The following RALGAPB variants were observed in gnomAD, a reference collection of about 807,000 sequenced individuals.
The protein encoded by RALGAPB is ral GTPase-activating protein subunit beta.
RALGAPB carries 25 observed loss-of-function variants against 161.1 expected under a neutral mutation model. The ratio of observed to expected loss-of-function variants is 0.16; its 90% CI spans 0.11 to 0.22. RALGAPB has a LOEUF of 0.22. RALGAPB is among the 10% of genes least tolerant of loss of function. The pLI, the probability that RALGAPB is intolerant of heterozygous loss-of-function variation, is 1.00. For missense variants in RALGAPB, 1,391 were observed against 1,815.2 expected (o/e 0.77, Z 4.25); for synonymous variants, 629 against 626.1 (o/e 1.00, Z -0.07).
At chr20:38,545,551 C>T (rs957137777) in intron 18 of RALGAPB, among the ~76,000 whole-genome samples, 28 of 152,304 alleles carry the variant, frequency 1.8e-4, no homozygotes, top group African/African-American at 6.3e-4. Flanking sequence ...TCTCAACTCT[C>T]AGCTTGAATG....
chr20:38,562,627 T>C lies in RALGAPB; in HGVS notation c.3627T>C (p.Pro1209=), dbSNP rs2087824659. 6.2e-7 allele frequency: 1 copy of C among 1,613,972 alleles called. No homozygotes were observed. The highest frequency in any genetic ancestry group is 8.5e-7 in the Non-Finnish European group (1 of 1,179,954). ...GGTCAGTAGATGTGGGCAGACACCC[T>C]GGTTGGACTGGGCATGTTTCTACCA... ...LGWSVDVGRH[P]GWTGHVSTSW... is the part of the protein sequence containing the mutation. The change falls in exon 24 of 30, where the codon CCT becomes CCC. Residue 1209 remains proline (P), a synonymous_variant. Coordinates refer to ENST00000262879, the MANE Select transcript of RALGAPB (RefSeq NM_020336.4).
At chr20:38,491,528 G>A (rs1327197896) in intron 2 of RALGAPB, among the ~76,000 whole-genome samples, 1 of 152,152 alleles carries the variant, frequency 6.6e-6, no homozygotes, top group East Asian at 1.9e-4. Flanking sequence ...TCCTGGGTCT[G>A]TCTAGATTTC....
At position 38,552,475 on chromosome 20, in the gene RALGAPB, C is replaced by T. The variant is rs540802532; in HGVS notation, c.3162+1252C>T. On this transcript the variant is annotated intron_variant, in intron 21 of 29. Transcript: ENST00000262879. ...AGGCTAGTTTTTAAATATTTTTTTA[C>T]ATTCAAGGATGTGAGGATTATGAAC... Among the ~76,000 whole-genome samples the T allele has an allele frequency of 4.6e-5, 7 of 152,178 alleles. No homozygotes were observed. In the East Asian group the frequency reaches 1.4e-3, roughly 29 times the overall value.
chr20:38,478,429 CT>C (rs202094719), intron 1 of RALGAPB, among the ~76,000 whole-genome samples: 1 of 150,822 alleles, frequency 6.6e-6, no homozygotes. Flanking sequence ...AGTAGTTTTT[CT>C]TTTTTTTTGA....
chr20:38,504,306 A>G (rs1308393454), intron 5 of RALGAPB, among the ~76,000 whole-genome samples: 1 of 132,768 alleles, frequency 7.5e-6, no homozygotes, highest in African/African-American at 4.3e-5. Flanking sequence ...GATTTTTGAC[A>G]GAGTCAATAA....
chr20:38,562,413 T>G (rs1007409928), intron 23 of RALGAPB, 119 bp from the exon 24 acceptor site: 1 of 876,152 alleles, frequency 1.1e-6, no homozygotes, highest in Non-Finnish European at 1.7e-6. Flanking sequence ...TCCTCAAATT[T>G]ATTCTGAGCT....
Position 38,492,934 on chromosome 20 carries a change from A to G in RALGAPB, c.191A>G (p.Lys64Arg). 6.2e-7 allele frequency: 1 copy of G among 1,604,458 alleles called. No individual in the cohort carries two copies. The highest frequency in any genetic ancestry group is 8.5e-7 in the Non-Finnish European group (1 of 1,171,490). ...TGGATATTTTCTTTTGTCTAGGTAA[A>G]ATGGACCATGGAAGTAATTTGCTAT... ...ENLLKTDKEVKWTMEVICYGL... is the reference protein window; with the variant it reads ...ENLLKTDKEVRWTMEVICYGL... The change falls in exon 3 of 30, where the codon AAA (lysine) becomes AGA (arginine). Residue 64 changes from lysine to arginine, a missense_variant. Lys to Arg is a conservative substitution (Grantham distance 26, BLOSUM62 2). Transcript: ENST00000262879.
At chr20:38,504,923 A>C (rs2085712447) in intron 5 of RALGAPB, among the ~76,000 whole-genome samples, 1 of 152,186 alleles carries the variant, frequency 6.6e-6, no homozygotes, top group African/African-American at 2.4e-5. Flanking sequence ...AAGTCAAAAA[A>C]ACAGTAGATG....
chr20:38,539,896 G>T lies in RALGAPB; in HGVS notation c.2500G>T (p.Val834Leu). Residue 834 changes from valine (V) to leucine (L), a missense_variant, in exon 17 of 30, where the codon GTG (valine) becomes TTG (leucine). Val to Leu is a conservative substitution (Grantham distance 32). Coordinates refer to ENST00000262879, the MANE Select transcript of RALGAPB (RefSeq NM_020336.4). The stretch of plus-strand genomic sequence containing the variant: ...CTCCAGGGATCTGCACTCCATGATA[G>T]TGGCAGCTTTTCAGTGTCTCTGTGT... ...LHSRDLHSMI[V>L]AAFQCLCVWL... The T allele has an allele frequency of 6.2e-7, 1 of 1,614,130 alleles. No individual in the cohort carries two copies. Among genetic ancestry groups the T allele is most frequent in the Admixed American group, 1.7e-5 (1 of 60,026 alleles).
intron 28 of RALGAPB, among the ~76,000 whole-genome samples, chr20:38,571,230 A>T (rs1426659500): frequency 1.3e-5 from 2 of 152,098 alleles, no homozygotes; most frequent in African/African-American, 4.8e-5. Flanking sequence ...AATAAGAACC[A>T]CTTAACATAA....
At chr20:38,502,172 T>G (rs1301484516) in intron 5 of RALGAPB, among the ~76,000 whole-genome samples, 2 of 152,230 alleles carry the variant, frequency 1.3e-5, no homozygotes, top group Non-Finnish European at 2.9e-5. Context: ...CCTGTTGCTA[T>G]TGCAATGAGC....
In RALGAPB at chr20:38,499,888, TTGATCATTAAAATATGCA is replaced by T. The variant is rs2085527699; in HGVS notation, c.740+273_740+290del. 1.8e-5 allele frequency: 5 copies of T among 271,034 alleles called. No homozygotes were observed. In the South Asian group the frequency reaches 7.6e-4, roughly 41 times the overall value. 16.8% of individuals were successfully genotyped at this position (271,034 alleles called of 1,614,324 possible). ...CCCACAAAAAAATTCCACTCTTATT[TTGATCATTAAAATATGCA>T]TGATCATTAAAATATGCCTAATCAT... On this transcript the variant is annotated intron_variant, in intron 5 of 29. Coordinates refer to ENST00000262879, the MANE Select transcript of RALGAPB (RefSeq NM_020336.4).
At chr20:38,550,284 T>A (rs1337647274) in intron 20 of RALGAPB, among the ~76,000 whole-genome samples, 1 of 152,166 alleles carries the variant, frequency 6.6e-6, no homozygotes, top group Non-Finnish European at 1.5e-5. Flanking sequence ...CCCTAAAACT[T>A]AAAGTATCAT....
At chr20:38,543,647 G>A (rs148225860) in intron 18 of RALGAPB, among the ~76,000 whole-genome samples, 5 of 152,208 alleles carry the variant, frequency 3.3e-5, no homozygotes, top group Non-Finnish European at 2.9e-5. Context: ...CTGTTTTGCC[G>A]TTGTCAGGCC....
intron 28 of RALGAPB, 75 bp from the exon 29 acceptor site, chr20:38,574,074 TG>T: frequency 7.0e-7 from 1 of 1,435,210 alleles, no homozygotes; most frequent in Admixed American, 2.2e-5. Context: ...AGGCTATATG[TG>T]GGGGACTTCA....
chr20:38,531,195 A>G lies in RALGAPB; in HGVS notation c.2079A>G (p.Ser693=). 6.2e-7 allele frequency: 1 copy of G among 1,611,070 alleles called. No homozygotes were observed. Among genetic ancestry groups the G allele is most frequent in the South Asian group, 1.1e-5 (1 of 90,954 alleles). Residue 693 remains serine (S), a synonymous_variant, in exon 14 of 30, where the codon TCA becomes TCG. Transcript: ENST00000262879. The part of the protein sequence containing the change: ...LGAMLNIVQD[S]ALLEAIGCQM... Reference sequence around the variant, plus strand: ...CAATGTTAAATATTGTTCAAGATTCAGCACTTTTGGAAGCCATTGGTTGCC... The same window carrying G: ...CAATGTTAAATATTGTTCAAGATTCGGCACTTTTGGAAGCCATTGGTTGCC...
chr20:38,495,281 T>G (rs560622369), intron 3 of RALGAPB, among the ~76,000 whole-genome samples: 19 of 152,212 alleles, frequency 1.2e-4, no homozygotes, highest in Non-Finnish European at 2.2e-4. Flanking sequence ...AACATTTCTC[T>G]TTTGCCCATC....
At position 38,554,045 on chromosome 20, in the gene RALGAPB, A is replaced by G; in HGVS notation, c.3341A>G (p.His1114Arg). The G allele has an allele frequency of 1.9e-6, 3 of 1,613,350 alleles. No homozygotes were observed. Among genetic ancestry groups the G allele is most frequent in the Non-Finnish European group, 2.5e-6 (3 of 1,179,430 alleles). ...CAAACAGCCCGCCTTTTTCTCTCAC[A>G]CTTTGGATTTTTGTCCTTAGAAGCA... ...EFQTARLFLS[H>R]FGFLSLEALK... The change falls in exon 22 of 30, where the codon CAC becomes CGC. Residue 1114 changes from histidine (H) to arginine (R), a missense_variant. By Grantham distance (29) the His-to-Arg change is conservative. Transcript: ENST00000262879.
At chr20:38,509,699 C>G (rs958761956) in intron 6 of RALGAPB, among the ~76,000 whole-genome samples, 10 of 152,186 alleles carry the variant, frequency 6.6e-5, no homozygotes, top group African/African-American at 2.4e-4. Context: ...TAGTAATTCT[C>G]TTCAGTTCAG....
Sources: allele counts gnomAD v4.1 joint callset (sites outside exome capture counted in the v4.1 genomes callset), GRCh38; gene constraint gnomAD v4.1.1; transcripts MANE v1.5; gene names NCBI Gene and HGNC (gene_info 2026-07-23, HGNC 2026-07-21).